The following RNF38 variants were observed in gnomAD, a reference collection of about 807,000 sequenced individuals.
RNF38 encodes E3 ubiquitin-protein ligase RNF38.
A neutral mutation model predicts 67.2 loss-of-function variants in RNF38; 15 were observed. The observed-to-expected ratio is 0.22, with a 90% CI of 0.15 to 0.34. The LOEUF is 0.34. Ranked by LOEUF, RNF38 falls within the 10% of genes least tolerant of loss-of-function variation. The pLI is 1.00. For synonymous variants in RNF38, 220 were observed against 218.8 expected (o/e 1.01, Z -0.05); for missense variants, 524 against 639.9 (o/e 0.82, Z 1.95).
At chr9:36,362,188 C>A (rs1730273235) in intron 4 of RNF38, among the ~76,000 whole-genome samples, 1 of 152,054 alleles carries the variant, frequency 6.6e-6, no homozygotes, top group Non-Finnish European at 1.5e-5. Flanking sequence ...GAAACCCCGT[C>A]TCTACTAAAA....
chr9:36,337,676 T>C lies in RNF38; in HGVS notation c.*2076A>G, dbSNP rs1832550972. ...TTTTTTTCATTAAAAAAGATTAAACTATATGTGATTTGTATGTAGCTGATT... is the reference window on the plus strand; with the variant it reads ...TTTTTTTCATTAAAAAAGATTAAACCATATGTGATTTGTATGTAGCTGATT... On this transcript the variant is annotated 3_prime_UTR_variant, in exon 12 of 12. Transcript: ENST00000259605. The C allele has an allele frequency of 6.6e-6, 1 of 152,584 alleles. No individual in the cohort carries two copies. Among genetic ancestry groups the C allele is most frequent in the Non-Finnish European group, 1.5e-5 (1 of 68,012 alleles). 9.5% of individuals were successfully genotyped at this position (152,584 alleles called of 1,614,324 possible). A position where few individuals can be genotyped will look rare whatever the true frequency, so the allele number is the denominator to read the frequency against.
chr9:36,464,678 C>T (rs539968279), intron 1 of RNF38, among the ~76,000 whole-genome samples: 2 of 152,058 alleles, frequency 1.3e-5, no homozygotes, highest in Admixed American at 6.6e-5. Context: ...GCAATATTCA[C>T]CCAATAAATT....
chr9:36,404,457 A>G (rs1564049456), upstream of RNF38, among the ~76,000 whole-genome samples: 1 of 152,234 alleles, frequency 6.6e-6, no homozygotes, highest in Non-Finnish European at 1.5e-5. Context: ...AAAGAAAAAA[A>G]GACAAGGAAA....
chr9:36,426,045 C>T (rs184924077), intron 1 of RNF38, among the ~76,000 whole-genome samples: 183 of 152,274 alleles, frequency 1.2e-3, no homozygotes, highest in Middle Eastern at 3.4e-3. Context: ...TGTTAAGTAA[C>T]ATGAGGCTGA....
At chr9:36,359,024 T>TA (rs1158965310) in intron 4 of RNF38, among the ~76,000 whole-genome samples, 2 of 152,016 alleles carry the variant, frequency 1.3e-5, no homozygotes, top group African/African-American at 4.8e-5. Flanking sequence ...AATCCTGTCT[T>TA]ATGGGGCTGA....
At chr9:36,375,066 AAAT>A (rs1200819597) in intron 3 of RNF38, among the ~76,000 whole-genome samples, 4 of 152,202 alleles carry the variant, frequency 2.6e-5, no homozygotes, top group Admixed American at 1.3e-4. Context: ...CTCTGGCAAC[AAAT>A]AATGAGGAAG....
chr9:36,480,252 T>C (rs1309003066), intron 1 of RNF38, among the ~76,000 whole-genome samples: 2 of 152,142 alleles, frequency 1.3e-5, no homozygotes, highest in East Asian at 3.9e-4. Context: ...GTGCTGAGAT[T>C]ACAGACGTGA....
chr9:36,401,233 C>G, upstream of RNF38: 1 of 983,764 alleles, frequency 1.0e-6, no homozygotes, highest in Middle Eastern at 5.2e-4. Context: ...CTGCGCGCGG[C>G]CCGGCGCACG....
At chr9:36,480,507 C>T (rs1393797561) in intron 1 of RNF38, among the ~76,000 whole-genome samples, 1 of 151,314 alleles carries the variant, frequency 6.6e-6, no homozygotes, top group Non-Finnish European at 1.5e-5. Flanking sequence ...GTCCTACTAC[C>T]TAACTGCTTG....
chr9:36,374,279 T>C (rs1344669970), intron 3 of RNF38, among the ~76,000 whole-genome samples: 1 of 152,236 alleles, frequency 6.6e-6, no homozygotes, highest in Non-Finnish European at 1.5e-5. Context: ...AGATCCCTTC[T>C]GCATTAGCCC....
intron 2 of RNF38, among the ~76,000 whole-genome samples, chr9:36,416,360 C>G (rs1266897987): frequency 6.6e-6 from 1 of 152,096 alleles, no homozygotes; most frequent in African/African-American, 2.4e-5. Context: ...CCACAACCAG[C>G]AAGGCCGGTC....
At chr9:36,380,703 A>C (rs1057097753) in intron 2 of RNF38, among the ~76,000 whole-genome samples, 4 of 152,114 alleles carry the variant, frequency 2.6e-5, no homozygotes, top group African/African-American at 9.7e-5. Flanking sequence ...TATATTGCCC[A>C]GTTTGGTCTC....
chr9:36,458,714 G>GT (rs1264960635), intron 1 of RNF38, among the ~76,000 whole-genome samples: 5 of 152,198 alleles, frequency 3.3e-5, no homozygotes, highest in Admixed American at 1.3e-4. Context: ...TTTAAGAGTT[G>GT]TAACACTCAC....
intron 1 of RNF38, among the ~76,000 whole-genome samples, chr9:36,451,587 G>A (rs562305888): frequency 1.7e-4 from 21 of 120,186 alleles, no homozygotes; most frequent in Non-Finnish European, 3.2e-4. Flanking sequence ...AGCAACCTCC[G>A]CCTCCCAGGT....
chr9:36,364,208 C>T (rs1218087235), intron 4 of RNF38, among the ~76,000 whole-genome samples: 2 of 152,148 alleles, frequency 1.3e-5, no homozygotes, highest in Admixed American at 6.5e-5. Context: ...TCCTCCTCTT[C>T]CTCAGCCTAC....
intron 1 of RNF38, among the ~76,000 whole-genome samples, chr9:36,396,585 T>C (rs1297408672): frequency 6.6e-6 from 1 of 152,106 alleles, no homozygotes; most frequent in Non-Finnish European, 1.5e-5. Context: ...AAGTCCCGGA[T>C]GGCATTCTTC....
intron 1 of RNF38, among the ~76,000 whole-genome samples, chr9:36,391,904 C>T (rs1241874260): frequency 2.0e-5 from 3 of 152,198 alleles, no homozygotes; most frequent in African/African-American, 4.8e-5. Context: ...TGAGCCACTG[C>T]GCCCGGCCCG....
chr9:36,435,662 C>T (rs776913891), intron 1 of RNF38, among the ~76,000 whole-genome samples: 1 of 151,254 alleles, frequency 6.6e-6, no homozygotes, highest in Admixed American at 6.6e-5. Flanking sequence ...GCTCTGTCGC[C>T]CAGGCTGGAG....
intron 1 of RNF38, among the ~76,000 whole-genome samples, chr9:36,469,869 T>C (rs1359729554): frequency 6.6e-6 from 1 of 151,958 alleles, no homozygotes; most frequent in Non-Finnish European, 1.5e-5. Context: ...TCCCAGCTAC[T>C]TGGGAGGCTG....
Sources: allele counts gnomAD v4.1 joint callset (sites outside exome capture counted in the v4.1 genomes callset), GRCh38; gene constraint gnomAD v4.1.1; transcripts MANE v1.5; gene names NCBI Gene and HGNC (gene_info 2026-07-23, HGNC 2026-07-21).